Variants in PCDH15 observed in about 807,000 individuals in gnomAD.
PCDH15 encodes the protein protocadherin related 15, also known as protocadherin-15.
A neutral mutation model predicts 178.5 loss-of-function variants in PCDH15; 129 were observed. That is an observed-to-expected ratio of 0.72 (90% CI 0.63 to 0.84). PCDH15 has a LOEUF of 0.84. PCDH15 is among the 40% of genes least tolerant of loss of function. The pLI, the probability that PCDH15 is intolerant of heterozygous loss-of-function variation, is 0.00. For synonymous variants in PCDH15, 800 were observed against 732.0 expected, an observed-to-expected ratio of 1.09 and a Z score of -1.50; for missense variants, 2,230 against 2,099.9, an observed-to-expected ratio of 1.06 and a Z score of -1.21.
intron 26 of PCDH15, among the ~76,000 whole-genome samples, chr10:53,883,348 A>G (rs186780623): frequency 6.6e-6 from 1 of 152,320 alleles, no homozygotes; most frequent in Admixed American, 6.5e-5. Context: ...ATACAACAGA[A>G]AGAGTAGGAT....
rs1333164849 is a variant in PCDH15 at position 54,507,168 on chromosome 10, TTACTC to T, written c.157+20639_157+20643del. 6.6e-5 allele frequency among the ~76,000 whole-genome samples: 10 copies of T among 152,060 alleles called. No individual in the cohort carries two copies. In the South Asian group the frequency reaches 1.2e-3, roughly 19 times the overall value. ...TTATTAGAAGCATTTGTCTTGCACT[TTACTC>T]TACGCAAGCACTTTAATGATCTCAC... On this transcript the variant is annotated intron_variant, in intron 3 of 37. Transcript: ENST00000644397.
At chr10:55,089,528 G>T (rs765449681) in intron 2 of PCDH15, among the ~76,000 whole-genome samples, 26 of 151,932 alleles carry the variant, frequency 1.7e-4, no homozygotes, top group Non-Finnish European at 3.1e-4. Flanking sequence ...TGTGGCTCTA[G>T]AATCTTATTT....
In PCDH15 at chr10:54,564,401, G is replaced by T. The variant is rs538226819; in HGVS notation, c.92-36524C>A. Among the ~76,000 whole-genome samples, 5 of 152,250 alleles carry T rather than the reference G, an allele frequency of 3.3e-5. No individual in the cohort carries two copies. In the South Asian group the frequency reaches 8.3e-4, roughly 25 times the overall value. Reference sequence around the variant, plus strand: ...ACATTAACGGAATTTTATTAAAATTGTACCATGTTATGAGTAGCAGAAAGT... The same window carrying T: ...ACATTAACGGAATTTTATTAAAATTTTACCATGTTATGAGTAGCAGAAAGT... On this transcript the variant is annotated intron_variant, in intron 2 of 37. Coordinates refer to ENST00000644397, the MANE Select transcript of PCDH15 (RefSeq NM_001384140.1).
At chr10:55,350,188 G>T (rs1286036534) in intron 2 of PCDH15, among the ~76,000 whole-genome samples, 1 of 143,166 alleles carries the variant, frequency 7.0e-6, no homozygotes, top group Non-Finnish European at 1.5e-5. Flanking sequence ...TCACACACAG[G>T]TGTGTATATG....
At chr10:55,289,114 G>A (rs575150723) in intron 1 of PCDH15, among the ~76,000 whole-genome samples, 3 of 151,766 alleles carry the variant, frequency 2.0e-5, no homozygotes, top group Admixed American at 6.6e-5. Context: ...CTACAGCTGC[G>A]TACTAAAGTC....
chr10:54,641,365 T>C (rs1270514096), intron 2 of PCDH15, among the ~76,000 whole-genome samples: 8 of 152,140 alleles, frequency 5.3e-5, no homozygotes, highest in African/African-American at 1.9e-4. Flanking sequence ...ATACAAATTT[T>C]TAAGATCTAG....
At chr10:54,416,220 G>A (rs1269577657) in intron 3 of PCDH15, among the ~76,000 whole-genome samples, 4 of 152,080 alleles carry the variant, frequency 2.6e-5, no homozygotes, top group African/African-American at 9.6e-5. Context: ...AGAAGTATAC[G>A]TGTGCCATGG....
At chr10:55,033,849 T>C (rs915739200) in intron 2 of PCDH15, among the ~76,000 whole-genome samples, 4 of 152,138 alleles carry the variant, frequency 2.6e-5, no homozygotes, top group Non-Finnish European at 5.9e-5. Flanking sequence ...GTGATAGTAT[T>C]AAGGGGTAAG....
At chr10:55,325,510 A>G (rs1191283937) in intron 2 of PCDH15, among the ~76,000 whole-genome samples, 2 of 152,168 alleles carry the variant, frequency 1.3e-5, no homozygotes, top group Non-Finnish European at 1.5e-5. Context: ...ATAACTGGCT[A>G]ACTATACGCA....
At chr10:54,709,190 A>G (rs1045757918) in intron 1 of PCDH15, among the ~76,000 whole-genome samples, 3 of 152,164 alleles carry the variant, frequency 2.0e-5, no homozygotes, top group Non-Finnish European at 4.4e-5. Flanking sequence ...CAGTTGCTCA[A>G]GCACTGAAAC....
intron 3 of PCDH15, among the ~76,000 whole-genome samples, chr10:54,844,502 C>T (rs998042094): frequency 2.0e-5 from 3 of 151,974 alleles, no homozygotes; most frequent in Non-Finnish European, 2.9e-5. Context: ...CTTTCCCTCA[C>T]TCCTGCTTTG....
chr10:54,540,362 C>T (rs2085071441), intron 2 of PCDH15, among the ~76,000 whole-genome samples: 3 of 152,086 alleles, frequency 2.0e-5, no homozygotes, highest in African/African-American at 7.2e-5. Flanking sequence ...AAAAAATCCT[C>T]AGAGACTATT....
At chr10:55,012,254 C>A (rs1840062291) in intron 2 of PCDH15, among the ~76,000 whole-genome samples, 1 of 152,042 alleles carries the variant, frequency 6.6e-6, no homozygotes. Context: ...ATTGTGTGGT[C>A]ATTTAAGAAC....
chr10:54,536,921 C>T (rs12249533), intron 2 of PCDH15, among the ~76,000 whole-genome samples: 286 of 151,688 alleles, frequency 1.9e-3, no homozygotes, highest in African/African-American at 6.7e-3. Context: ...ACATTGAATC[C>T]ATGTCTTTGT....
At chr10:54,403,876 CA>C (rs1952263781) in intron 3 of PCDH15, among the ~76,000 whole-genome samples, 1 of 151,484 alleles carries the variant, frequency 6.6e-6, no homozygotes, top group African/African-American at 2.4e-5. Context: ...AACACACACA[CA>C]AACACACACA....
At chr10:54,877,985 T>C (rs7078723) in intron 3 of PCDH15, among the ~76,000 whole-genome samples, 95,455 of 125,138 alleles carry the variant, frequency 0.76, 37,478 homozygotes, top group East Asian at 0.9. Context: ...TTTGTTGAAG[T>C]GGAGTCTCGC....
chr10:54,588,396 C>T (rs1353829081), intron 2 of PCDH15, among the ~76,000 whole-genome samples: 1 of 152,132 alleles, frequency 6.6e-6, no homozygotes, highest in Non-Finnish European at 1.5e-5. Flanking sequence ...TTTTCACTTA[C>T]ATGATTAAAG....
chr10:54,899,356 T>G (rs1037452633), intron 2 of PCDH15, among the ~76,000 whole-genome samples: 5 of 152,146 alleles, frequency 3.3e-5, no homozygotes, highest in South Asian at 4.1e-4. Context: ...GTGCTAGCTT[T>G]CTTTTTCAGC....
At chr10:55,146,499 A>G (rs1838516114) in intron 2 of PCDH15, among the ~76,000 whole-genome samples, 1 of 152,068 alleles carries the variant, frequency 6.6e-6, no homozygotes, top group South Asian at 2.1e-4. Context: ...GTTACTTAGA[A>G]AAGAAAAAAA....
Sources: gnomAD v4.1 joint callset for allele counts (sites outside exome capture counted in the v4.1 genomes callset) on GRCh38, gnomAD v4.1.1 for gene constraint, MANE v1.5 for transcripts, NCBI Gene and HGNC (gene_info 2026-07-23, HGNC 2026-07-21) for gene names.